SCARB2: variants seen among roughly 807,000 people sequenced by gnomAD.
SCARB2 encodes the protein scavenger receptor class B member 2, also known as lysosome membrane protein 2.
In SCARB2, 29 loss-of-function variants were observed where a neutral mutation model predicts 58.6. The ratio of observed to expected loss-of-function variants is 0.49; its 90% CI spans 0.37 to 0.67. The LOEUF (loss-of-function observed/expected upper bound fraction) is 0.67. Among genes scored for constraint, SCARB2 ranks in the 30% least tolerant of loss-of-function variants. The pLI, the probability that SCARB2 is intolerant of heterozygous loss-of-function variation, is 0.00. For synonymous variants in SCARB2, 195 were observed against 210.1 expected (o/e 0.93, Z 0.62); for missense variants, 488 against 578.5 (o/e 0.84, Z 1.60).
chr4:76,187,271 T>C (rs932361107), intron 2 of SCARB2, among the ~76,000 whole-genome samples: 1 of 152,130 alleles, frequency 6.6e-6, no homozygotes, highest in Non-Finnish European at 1.5e-5. Flanking sequence ...ATTTTAAAAA[T>C]TGACAAGGTA....
chr4:76,172,293 G>A (rs1459615384), intron 7 of SCARB2, among the ~76,000 whole-genome samples: 2 of 151,336 alleles, frequency 1.3e-5, no homozygotes, highest in East Asian at 3.9e-4. Flanking sequence ...TTGAGACCAG[G>A]TCTCACTCTG....
chr4:76,201,593 T>C (rs1334123118), intron 1 of SCARB2, among the ~76,000 whole-genome samples: 1 of 152,214 alleles, frequency 6.6e-6, no homozygotes, highest in East Asian at 1.9e-4. Context: ...AAAGGTGATC[T>C]GAATAAATAA....
chr4:76,190,785 AAAACAAACAAAC>A (rs368133246), intron 2 of SCARB2, among the ~76,000 whole-genome samples: 13 of 151,928 alleles, frequency 8.6e-5, no homozygotes, highest in Non-Finnish European at 1.9e-4. Context: ...CTCTGTCTCA[AAAACAAACAAAC>A]AAACAAACAA....
intron 7 of SCARB2, among the ~76,000 whole-genome samples, chr4:76,171,705 C>A (rs1448260846): frequency 6.9e-6 from 1 of 145,296 alleles, no homozygotes; most frequent in African/African-American, 2.9e-5. Flanking sequence ...CAGATGCACA[C>A]CAGATGAGGG....
At chr4:76,176,586 G>C in intron 4 of SCARB2, 58 bp from the exon 5 acceptor site, 1 of 1,233,688 alleles carries the variant, frequency 8.1e-7, no homozygotes. Flanking sequence ...TGACAACTTG[G>C]CTAGACTATG....
chr4:76,219,747 C>A (rs1478386635), intron 1 of SCARB2, among the ~76,000 whole-genome samples: 1 of 151,882 alleles, frequency 6.6e-6, no homozygotes, highest in East Asian at 1.9e-4. Context: ...GAATGGGGGG[C>A]TTAGATATTA....
intron 1 of SCARB2, among the ~76,000 whole-genome samples, chr4:76,225,700 C>A (rs570026985): frequency 6.6e-6 from 1 of 152,150 alleles, no homozygotes; most frequent in Non-Finnish European, 1.5e-5. Flanking sequence ...TATTGACTTG[C>A]GTAAGTTAAA....
chr4:76,166,133 G>T, intron 10 of SCARB2, 117 bp downstream of exon 10: 1 of 998,164 alleles, frequency 1.0e-6, no homozygotes, highest in Non-Finnish European at 1.6e-6. Context: ...GGAATAACAG[G>T]TTTTAAAAAT....
At position 76,163,341 on chromosome 4, in the gene SCARB2, T is replaced by C. The variant is rs746370059; in HGVS notation, c.1282A>G (p.Met428Val). 56 of 1,614,102 alleles carry C rather than the reference T, an allele frequency of 3.5e-5. No individual in the cohort carries two copies. Among genetic ancestry groups the C allele is most frequent in the Non-Finnish European group, 4.6e-5 (54 of 1,180,040 alleles). ...DKETASRLKS[M>V]INTTLIITNI... Reference sequence around the variant, plus strand: ...GTGATGATCAAAGTAGTGTTAATCATAGACTTCAGTCGACTCGCCGTCTCT... The same window carrying C: ...GTGATGATCAAAGTAGTGTTAATCACAGACTTCAGTCGACTCGCCGTCTCT... Residue 428 changes from methionine to valine, a missense_variant, in exon 11 of 12, where the codon ATG (methionine) becomes GTG (valine). Transcript: ENST00000264896.
At chr4:76,210,432 G>A (rs1733021199) in intron 1 of SCARB2, among the ~76,000 whole-genome samples, 1 of 152,182 alleles carries the variant, frequency 6.6e-6, no homozygotes, top group Admixed American at 6.5e-5. Flanking sequence ...TGTGCTAGGT[G>A]TCAAGGCAGT....
intron 1 of SCARB2, among the ~76,000 whole-genome samples, chr4:76,205,006 T>C (rs1732900755): frequency 6.6e-6 from 1 of 152,152 alleles, no homozygotes; most frequent in South Asian, 2.1e-4. Flanking sequence ...AGAGATCTAA[T>C]GTACATCATG....
chr4:76,193,880 G>A (rs1732654794), intron 2 of SCARB2: 1 of 152,224 alleles, frequency 6.6e-6, no homozygotes, highest in South Asian at 2.1e-4. Flanking sequence ...AGAAGGACAT[G>A]AAATTTGGAG....
intron 1 of SCARB2, among the ~76,000 whole-genome samples, chr4:76,211,984 C>T (rs144108533): frequency 5.4e-4 from 82 of 152,304 alleles, no homozygotes; most frequent in African/African-American, 1.8e-3. Flanking sequence ...CAGCCACCCC[C>T]TCACCCAGAG....
At chr4:76,176,828 C>A in intron 4 of SCARB2, 1 of 281,616 alleles carries the variant, frequency 3.6e-6, no homozygotes, top group Non-Finnish European at 6.6e-6. Context: ...AGGTTGCAGC[C>A]CACCCTACAG....
At chr4:76,174,930 ACAC>A in intron 6 of SCARB2, 1 of 158,104 alleles carries the variant, frequency 6.3e-6, no homozygotes, top group Admixed American at 6.1e-5. Flanking sequence ...ACCACTGCTT[ACAC>A]TGCATAGTGC....
At chr4:76,206,872 T>C (rs1255975073) in intron 1 of SCARB2, among the ~76,000 whole-genome samples, 1 of 152,012 alleles carries the variant, frequency 6.6e-6, no homozygotes, top group African/African-American at 2.4e-5. Context: ...CCCAAACTCC[T>C]ATTTTTAACA....
At chr4:76,221,255 C>T (rs910150162) in intron 1 of SCARB2, among the ~76,000 whole-genome samples, 2 of 152,260 alleles carry the variant, frequency 1.3e-5, no homozygotes, top group African/African-American at 4.8e-5. Flanking sequence ...CGACCACTGC[C>T]TCACTGGTCC....
intron 10 of SCARB2, 171 bp downstream of exon 10, chr4:76,166,079 A>C (rs1280230249): frequency 1.4e-6 from 1 of 739,920 alleles, no homozygotes; most frequent in Admixed American, 2.0e-5. Flanking sequence ...ATCAGCTCTC[A>C]GACACAGGCA....
chr4:76,170,945 AATATATATATAT>A (rs35595759), intron 7 of SCARB2, among the ~76,000 whole-genome samples: 157 of 136,628 alleles, frequency 1.1e-3, no homozygotes, highest in African/African-American at 3.8e-3. Context: ...TGTAAATTTA[AATATATATATAT>A]ATATATATAT....
Sources: gnomAD v4.1 joint callset for allele counts (sites outside exome capture counted in the v4.1 genomes callset) on GRCh38, gnomAD v4.1.1 for gene constraint, MANE v1.5 for transcripts, NCBI Gene and HGNC (gene_info 2026-07-23, HGNC 2026-07-21) for gene names.